MGST1: variants seen among roughly 807,000 people sequenced by gnomAD.
MGST1 encodes the protein glutathione S-transferase 12.
Under a neutral mutation model 8.9 loss-of-function variants are expected in MGST1, and 5 were observed. The observed-to-expected ratio is 0.56, with a 90% CI of 0.29 to 1.19. The LOEUF is 1.19. Among genes scored for constraint, MGST1 ranks in the 50% most tolerant of loss-of-function variants. The probability of loss-of-function intolerance (pLI) is 0.08; values close to 1 mark genes in which losing one functional copy is unlikely to be tolerated. For missense variants in MGST1, 182 were observed against 187.4 expected, an observed-to-expected ratio of 0.97 and a Z score of 0.17; for synonymous variants, 54 against 67.8, an observed-to-expected ratio of 0.80 and a Z score of 1.00.
In MGST1 at chr12:16,354,289, T is replaced by C; in HGVS notation, c.37T>C (p.Phe13Leu). 1 of 1,608,434 alleles carries C rather than the reference T, an allele frequency of 6.2e-7. No individual in the cohort carries two copies. Among genetic ancestry groups the C allele is most frequent in the Non-Finnish European group, 8.5e-7 (1 of 1,178,262 alleles). Residue 13 changes from phenylalanine to leucine, a missense_variant, in exon 2 of 4, where the codon TTC becomes CTC. Coordinates refer to ENST00000396210, the MANE Select transcript of MGST1 (RefSeq NM_020300.5). ...CACCCAGGTAATGGATGATGAAGTA[T>C]TCATGGCTTTTGCATCCTATGCAAC... ...DLTQVMDDEVFMAFASYATII... is the reference protein window; with the variant it reads ...DLTQVMDDEVLMAFASYATII...
rs1943326029 is a variant in MGST1 at position 16,586,525 on chromosome 12, G to T, written n.483-3003G>T. ...CTACGTCCACAGAAAAAAATCTGTT[G>T]TATAATATTGTCAGATTCAGGCCAA... On this transcript the variant is annotated intron_variant and non_coding_transcript_variant, in intron 4 of 4. Coordinates refer to the MGST1 transcript ENST00000538857. This position sits in a 1 kb window ranked among gnomAD's most constrained non-coding sequence, Gnocchi z 4.3. Among the ~76,000 whole-genome samples the T allele has an allele frequency of 6.6e-6, 1 of 152,154 alleles. No individual in the cohort carries two copies. The highest frequency in any genetic ancestry group is 1.5e-5 in the Non-Finnish European group (1 of 68,030).
At chr12:16,442,294 A>G (rs1415515874), downstream of MGST1, among the ~76,000 whole-genome samples, 7 of 151,882 alleles carry the variant, frequency 4.6e-5, no homozygotes, top group Non-Finnish European at 7.4e-5. This position sits in a 1 kb window ranked among gnomAD's most constrained non-coding sequence, Gnocchi z 4.5. Context: ...TCCTACTTTC[A>G]TAGAGCAGAA....
chr12:16,444,181 T>TG (rs1309903366), intron 4 of MGST1, among the ~76,000 whole-genome samples: 6 of 148,304 alleles, frequency 4.0e-5, no homozygotes, highest in African/African-American at 1.5e-4. Flanking sequence ...TTGGCTGATT[T>TG]GGTTTTTTTT....
At chr12:16,422,660 T>C (rs889637611) in intron 1 of MGST1, among the ~76,000 whole-genome samples, 2 of 152,228 alleles carry the variant, frequency 1.3e-5, no homozygotes, top group Non-Finnish European at 2.9e-5. Flanking sequence ...TCAATTGATA[T>C]TCTAATTAAG....
At chr12:16,426,340 A>C (rs1319547007) in intron 1 of MGST1, among the ~76,000 whole-genome samples, 2 of 152,180 alleles carry the variant, frequency 1.3e-5, no homozygotes, top group East Asian at 3.9e-4. Flanking sequence ...CACTTTTCTG[A>C]GTCAGAAATT....
At chr12:16,569,362 A>G (rs549507115) in intron 4 of MGST1, among the ~76,000 whole-genome samples, 1 of 152,288 alleles carries the variant, frequency 6.6e-6, no homozygotes, top group South Asian at 2.1e-4. Flanking sequence ...AGGTTTCTGG[A>G]CTGACAGAGG....
rs189421950 is a variant in MGST1 at position 16,579,359 on chromosome 12, G to T, written n.483-10169G>T. Among the ~76,000 whole-genome samples the T allele has an allele frequency of 1.2e-4, 19 of 152,270 alleles. No individual in the cohort carries two copies. In the East Asian group the frequency reaches 3.7e-3, roughly 29 times the overall value. On this transcript the variant is annotated intron_variant and non_coding_transcript_variant, in intron 4 of 4. Coordinates refer to the MGST1 transcript ENST00000538857. ...GAGGTCTTTGGTGAGCCTCAGAAAA[G>T]AAGTAAAATCAAATGTGCCTGATGC...
At chr12:16,519,420 A>T (rs1415837084) in intron 4 of MGST1, among the ~76,000 whole-genome samples, 1 of 152,088 alleles carries the variant, frequency 6.6e-6, no homozygotes. Flanking sequence ...AAAGTATGAA[A>T]CTCATACCAT....
chr12:16,561,869 T>C (rs970035444), intron 4 of MGST1, among the ~76,000 whole-genome samples: 5 of 152,202 alleles, frequency 3.3e-5, no homozygotes, highest in African/African-American at 1.2e-4. Flanking sequence ...AAACAATAAA[T>C]GCATTTTAAA....
chr12:16,379,104 T>C (rs1244333968), downstream of MGST1, among the ~76,000 whole-genome samples: 1 of 152,154 alleles, frequency 6.6e-6, no homozygotes, highest in Non-Finnish European at 1.5e-5. Context: ...CAGGGACAAT[T>C]TGACTTCCTC....
chr12:16,422,375 C>A (rs985759596), intron 1 of MGST1, among the ~76,000 whole-genome samples: 2 of 152,196 alleles, frequency 1.3e-5, no homozygotes, highest in Non-Finnish European at 2.9e-5. Flanking sequence ...ACTTTCAGGG[C>A]CACTTCTCAG....
intron 4 of MGST1, among the ~76,000 whole-genome samples, chr12:16,508,214 G>C: frequency 6.6e-6 from 1 of 152,064 alleles, no homozygotes; most frequent in African/African-American, 2.4e-5. Context: ...GTAAATGAAT[G>C]AATGGATGAA....
rs1422126850 is a variant in MGST1 at position 16,389,246 on chromosome 12, AGTTT to A, written n.778+5647_778+5650del. Among the ~76,000 whole-genome samples, 13 of 152,230 alleles carry A rather than the reference AGTTT, an allele frequency of 8.5e-5. No homozygotes were observed. Among genetic ancestry groups the A allele is most frequent in the African/African-American group, 2.7e-4 (11 of 41,468 alleles). On this transcript the variant is annotated intron_variant and non_coding_transcript_variant, in intron 1 of 1. Coordinates refer to the MGST1 transcript ENST00000359720. The surrounding 1 kb of genome is among the most constrained non-coding windows in gnomAD (Gnocchi z 4.6). Reference sequence around the variant, plus strand: ...TTAGCTTCACAAACTGAAAAGAAATAGTTTGTTTACTCGATGCATCAACAGTTTG... The same window carrying A: ...TTAGCTTCACAAACTGAAAAGAAATAGTTTACTCGATGCATCAACAGTTTG...
chr12:16,554,535 A>G (rs557291897), intron 4 of MGST1, among the ~76,000 whole-genome samples: 11 of 152,350 alleles, frequency 7.2e-5, no homozygotes, highest in Admixed American at 2.6e-4. Context: ...TCCCACTGAC[A>G]GTCCGGTTGT....
intron 3 of MGST1, among the ~76,000 whole-genome samples, chr12:16,371,955 T>C (rs1940300181): frequency 6.6e-6 from 1 of 152,078 alleles, no homozygotes; most frequent in Non-Finnish European, 1.5e-5. Flanking sequence ...CTTCAATAAA[T>C]GCTACTGGGA....
At position 16,369,420 on chromosome 12, in the gene MGST1, T is replaced by C. The variant is rs1324287959; in HGVS notation, c.222-6702T>C. ...GCCAGGCGGTCCTGCTGAATATGTGTCTGGGTTCTCTAAGGAATCTGGAAA... is the reference window on the plus strand; with the variant it reads ...GCCAGGCGGTCCTGCTGAATATGTGCCTGGGTTCTCTAAGGAATCTGGAAA... On this transcript the variant is annotated intron_variant, in intron 3 of 3. Transcript: ENST00000535309. This position sits in a 1 kb window ranked among gnomAD's most constrained non-coding sequence, Gnocchi z 4.8. 6.6e-6 allele frequency among the ~76,000 whole-genome samples: 1 copy of C among 152,002 alleles called. No individual in the cohort carries two copies. Among genetic ancestry groups the C allele is most frequent in the Non-Finnish European group, 1.5e-5 (1 of 68,008 alleles).
chr12:16,392,666 T>C (rs187880925), intron 1 of MGST1, among the ~76,000 whole-genome samples: 1 of 152,304 alleles, frequency 6.6e-6, no homozygotes, highest in African/African-American at 2.4e-5. Context: ...TTTTGGGATA[T>C]GGCTTTATAG....
intron 4 of MGST1, among the ~76,000 whole-genome samples, chr12:16,515,440 C>A (rs1339399674): frequency 6.6e-6 from 1 of 151,990 alleles, no homozygotes; most frequent in African/African-American, 2.4e-5. Context: ...AGTCTGAGAC[C>A]AGCCTGGCCA....
chr12:16,565,983 C>CGTAT (rs1942584556), intron 4 of MGST1, among the ~76,000 whole-genome samples: 2 of 43,858 alleles, frequency 4.6e-5, no homozygotes, highest in African/African-American at 8.0e-5. Context: ...GAAAATGTGC[C>CGTAT]ATATATATAT....
Sources: allele counts gnomAD v4.1 joint callset (sites outside exome capture counted in the v4.1 genomes callset), GRCh38; gene constraint gnomAD v4.1.1; non-coding constraint Gnocchi (gnomAD v3.1); transcripts MANE v1.5; gene names NCBI Gene and HGNC (gene_info 2026-07-23, HGNC 2026-07-21).